TDRD6: variants seen among roughly 807,000 people sequenced by gnomAD.
The protein encoded by TDRD6 is tudor domain containing 6.
Under a neutral mutation model 157.5 loss-of-function variants are expected in TDRD6, and 186 were observed. That is an observed-to-expected ratio of 1.18 (90% CI 1.05 to 1.33). The LOEUF is 1.33. TDRD6 is among the 40% of genes most tolerant of loss of function. TDRD6 has a pLI of 0.00. For synonymous variants in TDRD6, 1,075 were observed against 945.2 expected, an observed-to-expected ratio of 1.14 and a Z score of -2.52; for missense variants, 3,066 against 2,508.0, an observed-to-expected ratio of 1.22 and a Z score of -4.75.
chr6:46,697,878 A>G, intron 2 of TDRD6, 120 bp from the exon 3 acceptor site: 1 of 477,750 alleles, frequency 2.1e-6, no homozygotes, highest in South Asian at 4.5e-5. Context: ...ATAGAGCAAG[A>G]CCCTATCTCA....
At chr6:46,687,797 G>A (rs1764141642), upstream of TDRD6, 1 of 278,234 alleles carries the variant, frequency 3.6e-6, no homozygotes, top group East Asian at 8.3e-5. Context: ...AGCTCCTTGG[G>A]CCCTTAGGCG....
At chr6:46,699,977 C>T (rs563089710) in intron 3 of TDRD6, among the ~76,000 whole-genome samples, 4 of 152,260 alleles carry the variant, frequency 2.6e-5, no homozygotes, top group African/African-American at 9.6e-5. Context: ...GAAATTTTTA[C>T]TATAAAAAAT....
chr6:46,696,297 T>A (rs1034324628), intron 2 of TDRD6, among the ~76,000 whole-genome samples: 5 of 151,764 alleles, frequency 3.3e-5, no homozygotes, highest in African/African-American at 1.2e-4. Flanking sequence ...GTTTGCTTCT[T>A]CTAGTCTTCC....
Position 46,688,645 on chromosome 6 carries a change from G to A in TDRD6, c.517G>A (p.Val173Met), listed in dbSNP as rs148501632. 105 of 1,599,270 alleles carry A rather than the reference G, an allele frequency of 6.6e-5. No individual in the cohort carries two copies. The highest frequency in any genetic ancestry group is 8.2e-5 in the Non-Finnish European group (97 of 1,179,868). The change falls in exon 1 of 4, where the codon GTG becomes ATG. Residue 173 changes from valine (V) to methionine (M), a missense_variant. Transcript: ENST00000316081. ...GKEVHGCVLD[V>M]LLLHRLVLLE... ...GGAGGTGCACGGGTGCGTCCTGGAC[G>A]TGCTGCTGCTCCATCGCCTGGTCCT...
Position 46,689,892 on chromosome 6 carries a change from T to C in TDRD6, c.1764T>C (p.Pro588=). The C allele has an allele frequency of 6.2e-7, 1 of 1,614,216 alleles. No individual in the cohort carries two copies. The highest frequency in any genetic ancestry group is 1.1e-5 in the South Asian group (1 of 91,088). ...GGTATGACGTAAGGATGCTGCTTCC[T>C]CAGTTTAGGCAGCTACCAATATTGG... The part of the protein sequence containing the change: ...VDWYDVRMLL[P]QFRQLPILAV... The change falls in exon 1 of 4, where the codon CCT becomes CCC. Residue 588 remains proline, a synonymous_variant. Transcript: ENST00000316081.
At chr6:46,685,806 A>G (rs1008415949), upstream of TDRD6, among the ~76,000 whole-genome samples, 1 of 152,172 alleles carries the variant, frequency 6.6e-6, no homozygotes. Context: ...CTTTTCCGAA[A>G]CCAAGGGCCT....
the TDRD6 span, among the ~76,000 whole-genome samples, chr6:46,680,330 G>GA: frequency 1.1e-3 from 134 of 121,970 alleles, no homozygotes; most frequent in Middle Eastern, 4.3e-3. Context: ...GTCCGTGAAA[G>GA]AAAAAAAAAA....
Position 46,692,814 on chromosome 6 carries a change from A to C in TDRD6, c.4686A>C (p.Arg1562Ser), listed in dbSNP as rs1336440795. Residue 1562 changes from arginine to serine, a missense_variant, in exon 1 of 4, where the codon AGA becomes AGC. By Grantham distance (110) the Arg-to-Ser change is moderately radical. Coordinates refer to ENST00000316081, the MANE Select transcript of TDRD6 (RefSeq NM_001010870.3). ...CTGGAGAACAGGTAGCAGACAGGAG[A>C]AATTGTATCCCATGTCCTTATATTG... ...QTAGEQVADR[R>S]NCIPCPYIGD... 1 of 1,614,080 alleles carries C rather than the reference A, an allele frequency of 6.2e-7. No homozygotes were observed. The highest frequency in any genetic ancestry group is 1.1e-5 in the South Asian group (1 of 91,054).
Position 46,704,308 on chromosome 6 carries a change from G to T in TDRD6, c.*2421G>T, listed in dbSNP as rs148774457. 5.2e-6 allele frequency: 2 copies of T among 382,436 alleles called. No individual in the cohort carries two copies. The highest frequency in any genetic ancestry group is 7.9e-5 in the South Asian group (2 of 25,256). The allele number at this position is 382,436 out of a possible 1,614,324, so 23.7% of individuals were successfully genotyped here. On this transcript the variant is annotated 3_prime_UTR_variant, in exon 4 of 4. Coordinates refer to ENST00000316081, the MANE Select transcript of TDRD6 (RefSeq NM_001010870.3). ...GAATCATCTTTAAAATTAAAATTTA[G>T]GCTGATATGAATATTGTATACTGTA...
Position 46,689,921 on chromosome 6 carries a change from T to G in TDRD6, c.1793T>G (p.Val598Gly), listed in dbSNP as rs766412131. 8.7e-6 allele frequency: 14 copies of G among 1,614,064 alleles called. No individual in the cohort carries two copies. The highest frequency in any genetic ancestry group is 2.2e-5 in the East Asian group (1 of 44,886). Residue 598 changes from valine to glycine, a missense_variant, in exon 1 of 4, where the codon GTG becomes GGG. Val to Gly is a moderately radical substitution (Grantham distance 109). Transcript: ENST00000316081. ...PQFRQLPILA[V>G]KCTLADIWPL... ...TTTAGGCAGCTACCAATATTGGCTG[T>G]GAAGTGCACCCTGGCTGATATTTGG...
chr6:46,686,620 A>C (rs1582535691), upstream of TDRD6, among the ~76,000 whole-genome samples: 1 of 152,242 alleles, frequency 6.6e-6, no homozygotes, highest in African/African-American at 2.4e-5. Flanking sequence ...TTAGAAAAAA[A>C]ATGGGAAAAT....
upstream of TDRD6, among the ~76,000 whole-genome samples, chr6:46,686,404 A>G (rs1214217342): frequency 6.6e-6 from 1 of 151,922 alleles, no homozygotes; most frequent in African/African-American, 2.4e-5. Context: ...ATAAATGAGA[A>G]GTGTTCCTGC....
chr6:46,690,888 A>G lies in TDRD6; in HGVS notation c.2760A>G (p.Leu920=), dbSNP rs1562055122. The change falls in exon 1 of 4, where the codon TTA becomes TTG. Residue 920 remains leucine, a synonymous_variant. Transcript: ENST00000316081. ...ATGCATGGCAAAAAAATCTAGAATT[A>G]AAATGTACAATATTTGCTCTGGCTT... ...IDNAWQKNLE[L]KCTIFALASI... is the part of the protein sequence containing the mutation. 6.2e-7 allele frequency: 1 copy of G among 1,613,904 alleles called. No homozygotes were observed. The highest frequency in any genetic ancestry group is 8.5e-7 in the Non-Finnish European group (1 of 1,179,944).
At chr6:46,687,334 G>A (rs556101321), upstream of TDRD6, among the ~76,000 whole-genome samples, 64 of 152,290 alleles carry the variant, frequency 4.2e-4, no homozygotes, top group South Asian at 2.5e-3. Flanking sequence ...TATCAGCTAA[G>A]TGTGGGAAGG....
chr6:46,692,244 T>G lies in TDRD6; in HGVS notation c.4116T>G (p.Ala1372=). 1 of 1,614,082 alleles carries G rather than the reference T, an allele frequency of 6.2e-7. No homozygotes were observed. The highest frequency in any genetic ancestry group is 1.3e-5 in the African/African-American group (1 of 75,066). Residue 1372 remains alanine (A), a synonymous_variant, in exon 1 of 4, where the codon GCT becomes GCG. Coordinates refer to ENST00000316081, the MANE Select transcript of TDRD6 (RefSeq NM_001010870.3). ...VFPEDNLWYR[A]VIKEQQPNDL... Reference sequence around the variant, plus strand: ...CAGAAGATAATTTATGGTATCGTGCTGTGATCAAGGAGCAACAACCCAATG... The same window carrying G: ...CAGAAGATAATTTATGGTATCGTGCGGTGATCAAGGAGCAACAACCCAATG...
At chr6:46,686,689 G>GATTC (rs140854422), upstream of TDRD6, among the ~76,000 whole-genome samples, 31 of 152,122 alleles carry the variant, frequency 2.0e-4, no homozygotes, top group South Asian at 8.3e-4. Flanking sequence ...AGAGAAATTG[G>GATTC]ATTCATTCAT....
upstream of TDRD6, among the ~76,000 whole-genome samples, chr6:46,686,249 T>C (rs1343937487): frequency 2.0e-5 from 3 of 152,180 alleles, no homozygotes; most frequent in African/African-American, 7.2e-5. Flanking sequence ...CATGTAATGA[T>C]AAAACAATTT....
At position 46,692,620 on chromosome 6, in the gene TDRD6, A is replaced by T; in HGVS notation, c.4492A>T (p.Lys1498Ter). Reference sequence around the variant, plus strand: ...CCAAGTAATTAAAAGTGCCAGTTCAAAGTCTGTTAACAAATCAGACATTGA... The same window carrying T: ...CCAAGTAATTAAAAGTGCCAGTTCATAGTCTGTTAACAAATCAGACATTGA... Reference protein sequence around the residue: ...STQVIKSASSKSVNKSDIDTS... With the variant: ...STQVIKSASS The change falls in exon 1 of 4, where the codon AAG (lysine) becomes TAG (stop). Residue 1498 changes from lysine to a stop codon, truncating the protein, a stop_gained. Transcript: ENST00000316081. LOFTEE classifies it high-confidence loss of function. 6.2e-7 allele frequency: 1 copy of T among 1,613,580 alleles called. No homozygotes were observed. Among genetic ancestry groups the T allele is most frequent in the East Asian group, 2.2e-5 (1 of 44,864 alleles).
In TDRD6 at chr6:46,689,261, T is replaced by C; in HGVS notation, c.1133T>C (p.Leu378Ser). Reference protein sequence around the residue: ...RMPVVTYPCALYGLWDGGRGW... With the variant: ...RMPVVTYPCASYGLWDGGRGW... ...CCGGTGGTGACCTACCCTTGTGCTT[T>C]GTATGGACTCTGGGACGGTGGGAGA... The change falls in exon 1 of 4, where the codon TTG becomes TCG. Residue 378 changes from leucine to serine, a missense_variant. Leu to Ser is a moderately radical substitution (Grantham distance 145). Transcript: ENST00000316081. The C allele has an allele frequency of 6.2e-7, 1 of 1,614,064 alleles. No individual in the cohort carries two copies. Among genetic ancestry groups the C allele is most frequent in the Non-Finnish European group, 8.5e-7 (1 of 1,180,002 alleles).
Sources: gnomAD v4.1 joint callset for allele counts (sites outside exome capture counted in the v4.1 genomes callset) on GRCh38, gnomAD v4.1.1 for gene constraint, MANE v1.5 for transcripts, NCBI Gene and HGNC (gene_info 2026-07-23, HGNC 2026-07-21) for gene names.